Variants in RBFOX3 observed in about 807,000 individuals in gnomAD.
RBFOX3 encodes the protein RNA binding protein fox-1 homolog 3.
A neutral mutation model predicts 48.7 loss-of-function variants in RBFOX3; 17 were observed. The ratio of observed to expected loss-of-function variants is 0.35; its 90% CI spans 0.24 to 0.52. The LOEUF (loss-of-function observed/expected upper bound fraction) is 0.52. RBFOX3 is among the 20% of genes least tolerant of loss of function. RBFOX3 has a pLI of 0.94. For synonymous variants in RBFOX3, 212 were observed against 209.5 expected (o/e 1.01, Z -0.10); for missense variants, 382 against 497.5 (o/e 0.77, Z 2.21).
intron 1 of RBFOX3, among the ~76,000 whole-genome samples, chr17:79,518,150 A>C (rs1274821728): frequency 6.6e-6 from 1 of 152,236 alleles, no homozygotes; most frequent in African/African-American, 2.4e-5. Context: ...GAAACAATTA[A>C]ACAGAAATTA....
chr17:79,138,947 C>CCCGCACACGCACACAGCACATGCGT lies in RBFOX3; in HGVS notation c.-33-23200_-33-23199insACGCATGTGCTGTGTGCGTGTGCGG. Among the ~76,000 whole-genome samples, 2 of 87,982 alleles carry CCCGCACACGCACACAGCACATGCGT rather than the reference C, an allele frequency of 2.3e-5. 1 individual carries two copies. Among genetic ancestry groups the CCCGCACACGCACACAGCACATGCGT allele is most frequent in the African/African-American group, 8.1e-5 (2 of 24,708 alleles). The allele number at this position is 87,982 out of a possible 152,430, so 57.7% of individuals were successfully genotyped here. On this transcript the variant is annotated intron_variant, in intron 4 of 14. Coordinates refer to ENST00000693108, the MANE Select transcript of RBFOX3 (RefSeq NM_001350451.2). ...ACACAGCACATGCATTCACACCCCC[C>CCCGCACACGCACACAGCACATGCGT]TCAGCCCCACACATGCACACAGCAC...
chr17:79,166,951 G>A (rs2048125663), intron 4 of RBFOX3, among the ~76,000 whole-genome samples: 1 of 152,132 alleles, frequency 6.6e-6, no homozygotes, highest in Non-Finnish European at 1.5e-5. Context: ...AAATAAGAAG[G>A]TGAACAGACC....
the RBFOX3 span, among the ~76,000 whole-genome samples, chr17:79,660,687 T>G: frequency 9.8e-5 from 15 of 152,332 alleles, no homozygotes; most frequent in East Asian, 2.9e-3. Context: ...GTTTTTACCC[T>G]GTTGGTGAGA....
chr17:79,382,346 T>A (rs954620716), intron 2 of RBFOX3, among the ~76,000 whole-genome samples: 2 of 152,164 alleles, frequency 1.3e-5, no homozygotes, highest in African/African-American at 4.8e-5. Context: ...CCACTCCAGG[T>A]TGGGGGCTAA....
chr17:79,094,483 C>A lies in RBFOX3; in HGVS notation c.1045G>T (p.Gly349Trp). 6.9e-7 allele frequency: 1 copy of A among 1,442,042 alleles called. No homozygotes were observed. The highest frequency in any genetic ancestry group is 9.1e-7 in the Non-Finnish European group (1 of 1,094,294). The allele number at this position is 1,442,042 out of a possible 1,614,324, so 89.3% of individuals were successfully genotyped here. Residue 349 changes from glycine to tryptophan, a missense_variant, in exon 14 of 15, where the codon GGG becomes TGG. Gly to Trp is a radical substitution (Grantham distance 184, BLOSUM62 -2). Coordinates refer to ENST00000693108, the MANE Select transcript of RBFOX3 (RefSeq NM_001350451.2). Reference protein sequence around the residue: ...AAADPYHHTIGPAATYSIGTM With the variant: ...AAADPYHHTIWPAATYSIGTM Reference sequence around the variant, plus strand: ...CCAATGCTGTAGGTCGCCGCGGGCCCGATGGTGTGATGGTACGGGTCGGCA... The same window carrying A: ...CCAATGCTGTAGGTCGCCGCGGGCCAGATGGTGTGATGGTACGGGTCGGCA...
rs990311617 is a variant in RBFOX3, at chr17:79,303,853, G to C, written c.-74+3871C>G. The stretch of plus-strand genomic sequence containing the variant: ...TGTATGCATGTGTGCATGTCTGCCT[G>C]TGTGTGTGTGTGTGTGTGTGTGTGT... On this transcript the variant is annotated intron_variant, in intron 3 of 14. Coordinates refer to ENST00000693108, the MANE Select transcript of RBFOX3 (RefSeq NM_001350451.2). Among the ~76,000 whole-genome samples, 547 of 81,888 alleles carry C rather than the reference G, an allele frequency of 6.7e-3. 2 individuals are homozygous for C. Among genetic ancestry groups the C allele is most frequent in the African/African-American group, 0.024 (531 of 22,158 alleles). The allele number at this position is 81,888 out of a possible 152,430, so 53.7% of individuals were successfully genotyped here.
chr17:79,620,902 C>G, the RBFOX3 span, among the ~76,000 whole-genome samples: 1 of 152,178 alleles, frequency 6.6e-6, no homozygotes, highest in East Asian at 1.9e-4. Flanking sequence ...ACATCACACC[C>G]GATCTCATTT....
chr17:79,656,661 GAAGAAA>G, the RBFOX3 span, among the ~76,000 whole-genome samples: 4 of 109,232 alleles, frequency 3.7e-5, no homozygotes, highest in African/African-American at 1.7e-4. Context: ...GAAAGGAAGA[GAAGAAA>G]GGAAAGAAGG....
At chr17:79,105,953 G>A (rs1220447392) in intron 6 of RBFOX3, among the ~76,000 whole-genome samples, 1 of 152,188 alleles carries the variant, frequency 6.6e-6, no homozygotes, top group East Asian at 1.9e-4. Flanking sequence ...CCTGCCTGGC[G>A]CATTCAAGTC....
rs558023335 is a variant in RBFOX3, at chr17:79,125,998, C to T, written c.-33-10250G>A. 1.8e-3 allele frequency among the ~76,000 whole-genome samples: 274 copies of T among 152,348 alleles called. 1 individual carries two copies. Among genetic ancestry groups the T allele is most frequent in the African/African-American group, 6.4e-3 (266 of 41,584 alleles). On this transcript the variant is annotated intron_variant, in intron 4 of 14. Coordinates refer to ENST00000693108, the MANE Select transcript of RBFOX3 (RefSeq NM_001350451.2). ...CCCTCACCCTCATAGCCACTACCAC[C>T]CCCTGCACATTTAATTCTCCTGCTG...
At chr17:79,289,468 C>T (rs766137124) in intron 3 of RBFOX3, among the ~76,000 whole-genome samples, 2 of 152,268 alleles carry the variant, frequency 1.3e-5, no homozygotes, top group Non-Finnish European at 2.9e-5. Flanking sequence ...CCTTGACTGG[C>T]CTTTGCCCCT....
At chr17:79,104,578 G>A (rs1489499931) in intron 6 of RBFOX3, among the ~76,000 whole-genome samples, 1 of 152,204 alleles carries the variant, frequency 6.6e-6, no homozygotes, top group Non-Finnish European at 1.5e-5. Flanking sequence ...AGGCATGACT[G>A]CCCCACCCCT....
intron 3 of RBFOX3, among the ~76,000 whole-genome samples, chr17:79,302,373 A>T (rs2075444812): frequency 6.6e-6 from 1 of 152,204 alleles, no homozygotes; most frequent in African/African-American, 2.4e-5. Context: ...GGTTCCTGGC[A>T]AGCACTACAG....
intron 3 of RBFOX3, among the ~76,000 whole-genome samples, chr17:79,264,893 G>T (rs996550899): frequency 6.6e-6 from 1 of 152,066 alleles, no homozygotes; most frequent in African/African-American, 2.4e-5. Flanking sequence ...TGCAGGGCAA[G>T]CTGGGTGAGA....
rs2062510767 is a variant in RBFOX3 at position 79,242,351 on chromosome 17, G to A, written c.-73-6546C>T. ...TCTGTTTGTGCTCTTTCCCTAAGGG[G>A]AGCTGGAGGTGAAGGGTGCAATTTT... On this transcript the variant is annotated intron_variant, in intron 3 of 14. Coordinates refer to ENST00000693108, the MANE Select transcript of RBFOX3 (RefSeq NM_001350451.2). The surrounding 1 kb of genome is among the most constrained non-coding windows in gnomAD (Gnocchi z 5.8). 6.6e-6 allele frequency among the ~76,000 whole-genome samples: 1 copy of A among 152,158 alleles called. No homozygotes were observed.
intron 2 of RBFOX3, among the ~76,000 whole-genome samples, chr17:79,332,074 T>A (rs1361688021): frequency 6.6e-6 from 1 of 152,154 alleles, no homozygotes. Context: ...TCCCGGCAGG[T>A]CTGCTCTGGT....
Position 79,254,752 on chromosome 17 carries a change from G to A in RBFOX3, c.-73-18947C>T, listed in dbSNP as rs578250089. Among the ~76,000 whole-genome samples the A allele has an allele frequency of 6.6e-6, 1 of 152,340 alleles. No homozygotes were observed. Among genetic ancestry groups the A allele is most frequent in the Admixed American group, 6.5e-5 (1 of 15,312 alleles). ...CCTGAGTGGGTGCCTTACCTGGACA[G>A]TATCCAGGTGGACAGGTGCCTTATC... On this transcript the variant is annotated intron_variant, in intron 3 of 14. Coordinates refer to ENST00000693108, the MANE Select transcript of RBFOX3 (RefSeq NM_001350451.2). This position sits in a 1 kb window ranked among gnomAD's most constrained non-coding sequence, Gnocchi z 4.8.
chr17:79,233,100 A>G (rs903335486), intron 4 of RBFOX3, among the ~76,000 whole-genome samples: 4 of 152,240 alleles, frequency 2.6e-5, no homozygotes, highest in Non-Finnish European at 5.9e-5. Context: ...AACAGCCCAA[A>G]TGTCCTTCAA....
intron 5 of RBFOX3, among the ~76,000 whole-genome samples, chr17:79,108,807 TGGA>T (rs2077935897): frequency 6.6e-6 from 1 of 152,084 alleles, no homozygotes; most frequent in East Asian, 1.9e-4. Flanking sequence ...CGCAGGGTGG[TGGA>T]GGACACAGCC....
Sources: allele counts gnomAD v4.1 joint callset (sites outside exome capture counted in the v4.1 genomes callset), GRCh38; gene constraint gnomAD v4.1.1; non-coding constraint Gnocchi (gnomAD v3.1); transcripts MANE v1.5; gene names NCBI Gene and HGNC (gene_info 2026-07-23, HGNC 2026-07-21).